The following IQSEC1 variants were observed in gnomAD, a reference collection of about 807,000 sequenced individuals.
IQSEC1 encodes IQ motif and Sec7 domain ArfGEF 1.
Under a neutral mutation model 91.0 loss-of-function variants are expected in IQSEC1, and 31 were observed. The observed-to-expected ratio is 0.34, with a 90% CI of 0.26 to 0.46. IQSEC1 has a LOEUF of 0.46. Ranked by LOEUF, IQSEC1 falls within the 20% of genes least tolerant of loss-of-function variation. The probability of loss-of-function intolerance (pLI) is 1.00; values close to 1 mark genes in which losing one functional copy is unlikely to be tolerated. For missense variants in IQSEC1, 1,388 were observed against 1,575.6 expected, an observed-to-expected ratio of 0.88 and a Z score of 2.02; for synonymous variants, 699 against 662.6, an observed-to-expected ratio of 1.05 and a Z score of -0.84.
At chr3:12,911,368 T>G (rs1695536055) in intron 10 of IQSEC1, among the ~76,000 whole-genome samples, 1 of 152,228 alleles carries the variant, frequency 6.6e-6, no homozygotes, top group African/African-American at 2.4e-5. Flanking sequence ...TTTAAAAATC[T>G]TATCACCTGC....
intron 1 of IQSEC1, among the ~76,000 whole-genome samples, chr3:13,226,038 G>A (rs1340738212): frequency 7.9e-5 from 12 of 151,992 alleles, no homozygotes; most frequent in Non-Finnish European, 1.5e-4. Context: ...CCACCACCAC[G>A]CCTGGCTAAT....
chr3:13,116,188 G>A (rs889466245), intron 2 of IQSEC1, among the ~76,000 whole-genome samples: 2 of 152,220 alleles, frequency 1.3e-5, no homozygotes, highest in Admixed American at 6.5e-5. Context: ...CTAGGTGCCT[G>A]TGTGCCAGGC....
At chr3:13,175,734 C>T (rs140446621) in intron 1 of IQSEC1, among the ~76,000 whole-genome samples, 8 of 152,360 alleles carry the variant, frequency 5.3e-5, no homozygotes, top group African/African-American at 1.9e-4. Flanking sequence ...CCCCTAGATT[C>T]GGGATCTGGC....
At chr3:13,278,561 G>A (rs753944281) in intron 1 of IQSEC1, among the ~76,000 whole-genome samples, 40 of 152,332 alleles carry the variant, frequency 2.6e-4, no homozygotes, top group Non-Finnish European at 4.9e-4. Context: ...GCTCACGCCT[G>A]TAATCCCAGC....
intron 6 of IQSEC1, among the ~76,000 whole-genome samples, chr3:12,917,694 C>G (rs564029636): frequency 6.6e-5 from 10 of 152,304 alleles, no homozygotes; most frequent in Admixed American, 3.3e-4. Flanking sequence ...AATGGAGATG[C>G]TATAAGTATC....
At chr3:12,975,010 TCA>T (rs966903142) in intron 1 of IQSEC1, among the ~76,000 whole-genome samples, 9 of 152,228 alleles carry the variant, frequency 5.9e-5, no homozygotes, top group African/African-American at 2.2e-4. Context: ...CTATGTGACC[TCA>T]CACAGTTACT....
intron 1 of IQSEC1, among the ~76,000 whole-genome samples, chr3:13,177,341 C>A (rs1693750989): frequency 6.6e-6 from 1 of 152,260 alleles, no homozygotes; most frequent in South Asian, 2.1e-4. Flanking sequence ...CCCTGCCACC[C>A]CCACCCCATC....
intron 1 of IQSEC1, among the ~76,000 whole-genome samples, chr3:12,982,648 G>A (rs1408447906): frequency 2.0e-5 from 3 of 152,226 alleles, no homozygotes; most frequent in African/African-American, 7.2e-5. Flanking sequence ...AGAGAGAGAG[G>A]AACATGCTCT....
At chr3:13,090,179 C>T (rs1705834928) in intron 2 of IQSEC1, among the ~76,000 whole-genome samples, 1 of 151,530 alleles carries the variant, frequency 6.6e-6, no homozygotes. Context: ...GATCGCGCCA[C>T]TGCGCTCCAG....
intron 1 of IQSEC1, among the ~76,000 whole-genome samples, chr3:13,227,295 G>A (rs775391925): frequency 1.3e-4 from 18 of 138,950 alleles, no homozygotes; most frequent in Non-Finnish European, 1.5e-5. Context: ...AGAATTACTC[G>A]AACCCGGGAG....
chr3:12,902,670 C>CAAAAAAAAA lies in IQSEC1; in HGVS notation c.2805+94_2805+102dup, dbSNP rs1213830618. The CAAAAAAAAA allele has an allele frequency of 3.1e-4, 59 of 192,638 alleles. 1 individual carries two copies. Among genetic ancestry groups the CAAAAAAAAA allele is most frequent in the Middle Eastern group, 1.5e-3 (1 of 680 alleles). 11.9% of individuals were successfully genotyped at this position (192,638 alleles called of 1,614,324 possible). On this transcript the variant is annotated intron_variant, in intron 13 of 13. Transcript: ENST00000613206. ...AAAAAAAAAACAACAAAAAAAAAAC[C>CAAAAAAAAA]AAAAAAAAAAAAAAAAAAAAAAAAC...
chr3:13,028,542 G>T (rs940265093), intron 1 of IQSEC1, among the ~76,000 whole-genome samples: 1 of 152,228 alleles, frequency 6.6e-6, no homozygotes, highest in African/African-American at 2.4e-5. Flanking sequence ...CGGGGTCAGG[G>T]CAGAGCCAGA....
At chr3:13,254,597 G>A (rs529780664) in intron 1 of IQSEC1, among the ~76,000 whole-genome samples, 37 of 152,356 alleles carry the variant, frequency 2.4e-4, no homozygotes, top group Non-Finnish European at 2.9e-5. Context: ...AGCCCCCTTC[G>A]GTGACAGGCT....
At chr3:13,145,547 C>T (rs1275268019) in intron 2 of IQSEC1, among the ~76,000 whole-genome samples, 1 of 152,014 alleles carries the variant, frequency 6.6e-6, no homozygotes, top group Non-Finnish European at 1.5e-5. Context: ...GGCACAAGCC[C>T]CTGCCCCAGC....
chr3:13,216,862 A>T (rs4684920), intron 1 of IQSEC1, among the ~76,000 whole-genome samples: 2 of 152,128 alleles, frequency 1.3e-5, no homozygotes, highest in South Asian at 4.2e-4. Flanking sequence ...TGCCCACTCC[A>T]GAACATATGG....
intron 1 of IQSEC1, among the ~76,000 whole-genome samples, chr3:13,196,015 T>C (rs1428717130): frequency 6.6e-6 from 1 of 152,246 alleles, no homozygotes; most frequent in Admixed American, 6.5e-5. Context: ...AGAAGGTTAC[T>C]TTTTTAAAAA....
At chr3:13,136,172 C>T (rs1219625823) in intron 2 of IQSEC1, among the ~76,000 whole-genome samples, 2 of 152,188 alleles carry the variant, frequency 1.3e-5, no homozygotes, top group Non-Finnish European at 2.9e-5. Flanking sequence ...AAGCCAACAA[C>T]GTGAGGGCCT....
intron 2 of IQSEC1, among the ~76,000 whole-genome samples, chr3:12,938,653 C>T (rs1418775617): frequency 6.6e-6 from 1 of 152,094 alleles, no homozygotes. Flanking sequence ...CATAAGAGGC[C>T]CAAGGCTGGG....
chr3:12,961,670 C>A (rs1344513437), intron 1 of IQSEC1, among the ~76,000 whole-genome samples: 6 of 152,204 alleles, frequency 3.9e-5, no homozygotes, highest in Admixed American at 2.0e-4. Flanking sequence ...AGGAACACAT[C>A]TCCCCAAACA....
Sources: gnomAD v4.1 joint callset for allele counts (sites outside exome capture counted in the v4.1 genomes callset) on GRCh38, gnomAD v4.1.1 for gene constraint, MANE v1.5 for transcripts, NCBI Gene and HGNC (gene_info 2026-07-23, HGNC 2026-07-21) for gene names.